MAMLD1: variants seen among roughly 807,000 people sequenced by gnomAD.
MAMLD1 encodes the protein mastermind like domain containing 1.
In MAMLD1, 14 loss-of-function variants were observed where a neutral mutation model predicts 45.0. That is an observed-to-expected ratio of 0.31 (90% confidence interval 0.21 to 0.49). The LOEUF is 0.49. MAMLD1 is among the 20% of genes least tolerant of loss of function. MAMLD1 has a pLI of 0.99. For synonymous variants in MAMLD1, 254 were observed against 247.8 expected, an observed-to-expected ratio of 1.02 and a Z score of -0.24; for missense variants, 543 against 603.6, an observed-to-expected ratio of 0.90 and a Z score of 1.05.
intron 5 of MAMLD1, among the ~76,000 whole-genome samples, chrX:150,479,247 C>G (rs986149468): frequency 9.0e-6 from 1 of 111,670 alleles, no homozygotes. Context: ...ACGACACTTT[C>G]AAATGAAGGT....
chrX:150,461,598 C>T (rs2036041095), intron 2 of MAMLD1, among the ~76,000 whole-genome samples: 1 of 112,111 alleles, frequency 8.9e-6, no homozygotes, highest in South Asian at 3.7e-4. Flanking sequence ...TTCCCAGCAT[C>T]AGATGGTTGG....
Position 150,512,784 on chromosome X carries a change from C to T in MAMLD1, c.*825C>T. ...ACCGCTGCTGCTGCTTCTGCCGTTGCTGCCAGCCAGTTCCCAGGTCCGTTC... is the reference window on the plus strand; with the variant it reads ...ACCGCTGCTGCTGCTTCTGCCGTTGTTGCCAGCCAGTTCCCAGGTCCGTTC... On this transcript the variant is annotated 3_prime_UTR_variant, in exon 8 of 8. Transcript: ENST00000370401. 1 of 1,156,007 alleles carries T rather than the reference C, an allele frequency of 8.7e-7. No individual in the cohort carries two copies. Among genetic ancestry groups the T allele is most frequent in the South Asian group, 1.9e-5 (1 of 52,759 alleles).
chrX:150,377,180 G>A (rs782807084), intron 1 of MAMLD1, among the ~76,000 whole-genome samples: 3 of 113,310 alleles, frequency 2.6e-5, no homozygotes, highest in Non-Finnish European at 5.6e-5. Flanking sequence ...ACTGTATGGA[G>A]GTGCAGAGTC....
In MAMLD1 at chrX:150,463,626, C is replaced by A. The variant is rs1310496684; in HGVS notation, c.171+780C>A. Among the ~76,000 whole-genome samples the A allele has an allele frequency of 3.6e-5, 4 of 112,205 alleles. No homozygotes were observed. In the East Asian group the frequency reaches 1.1e-3, roughly 31 times the overall value. On this transcript the variant is annotated intron_variant, in intron 3 of 7. Coordinates refer to ENST00000370401, the MANE Select transcript of MAMLD1 (RefSeq NM_005491.5). ...GAGAAAGTAGTTCTAGAACACTGCC[C>A]ACCCAGGTTTGCTCATCTCTGCCTT...
chrX:150,427,567 T>A (rs1247759641), intron 1 of MAMLD1, among the ~76,000 whole-genome samples: 7 of 42,178 alleles, frequency 1.7e-4, no homozygotes, highest in Non-Finnish European at 6.8e-5. Context: ...GAACCACACC[T>A]GTCTCCTCAT....
intron 1 of MAMLD1, among the ~76,000 whole-genome samples, chrX:150,367,735 G>A (rs1054774192): frequency 1.0e-4 from 11 of 106,280 alleles, no homozygotes; most frequent in African/African-American, 3.5e-4. Flanking sequence ...ACAGGCCCCG[G>A]TGTGTGATGT....
chrX:150,400,035 A>T (rs1314870853), intron 1 of MAMLD1, among the ~76,000 whole-genome samples: 2 of 111,683 alleles, frequency 1.8e-5, no homozygotes, highest in African/African-American at 6.5e-5. Context: ...AAGTTGTCAC[A>T]TGCTGTTGTC....
chrX:150,503,361 G>A lies in MAMLD1; in HGVS notation c.2128G>A (p.Gly710Arg), dbSNP rs111719164. Residue 710 changes from glycine to arginine, a missense_variant, in exon 6 of 8, where the codon GGG becomes AGG. Coordinates refer to ENST00000370401, the MANE Select transcript of MAMLD1 (RefSeq NM_005491.5). ...ACAGCCCCCGTCCTGCCAGGCCCTG[G>A]GGAGTGAGTCCTTCCTGCCCGGCAG... The part of the protein sequence containing the change: ...GRQPPSCQAL[G>R]SESFLPGSSF... The A allele has an allele frequency of 8.3e-7, 1 of 1,211,878 alleles. No homozygotes were observed. The highest frequency in any genetic ancestry group is 1.7e-5 in the African/African-American group (1 of 58,012).
chrX:150,440,801 TG>T (rs1419683761), intron 1 of MAMLD1, among the ~76,000 whole-genome samples: 12 of 105,963 alleles, frequency 1.1e-4, no homozygotes, highest in African/African-American at 3.4e-4. Context: ...AGATTTGTAT[TG>T]GGTTTCTCTA....
At chrX:150,389,894 C>G (rs1190360731) in intron 1 of MAMLD1, among the ~76,000 whole-genome samples, 1 of 112,012 alleles carries the variant, frequency 8.9e-6, no homozygotes, top group Non-Finnish European at 1.9e-5. Context: ...CTGCCTGTCT[C>G]CAATAATTTT....
chrX:150,420,393 C>T (rs1283299826), intron 1 of MAMLD1, among the ~76,000 whole-genome samples: 1 of 105,876 alleles, frequency 9.4e-6, no homozygotes, highest in African/African-American at 3.5e-5. Flanking sequence ...AATGTCCTCC[C>T]ATAGCTCAGA....
chrX:150,398,254 GA>G (rs1569564543), intron 1 of MAMLD1, among the ~76,000 whole-genome samples: 41 of 21,826 alleles, frequency 1.9e-3, no homozygotes, highest in Non-Finnish European at 2.9e-3. Context: ...AGGAGAAGGA[GA>G]AGAAGAAGAA....
chrX:150,477,126 A>G (rs1158491982), intron 5 of MAMLD1, among the ~76,000 whole-genome samples: 1 of 113,281 alleles, frequency 8.8e-6, no homozygotes, highest in African/African-American at 3.2e-5. Flanking sequence ...GAAAGCTCAG[A>G]CTTTGGATCA....
At chrX:150,415,269 G>T (rs1390818368) in intron 1 of MAMLD1, among the ~76,000 whole-genome samples, 1 of 112,861 alleles carries the variant, frequency 8.9e-6, no homozygotes, top group Non-Finnish European at 1.9e-5. Flanking sequence ...GAGAAACTCA[G>T]CAGAAATACT....
chrX:150,449,252 T>C (rs1331496891), intron 2 of MAMLD1, among the ~76,000 whole-genome samples: 1 of 111,371 alleles, frequency 9.0e-6, no homozygotes, highest in Non-Finnish European at 1.9e-5. Context: ...GGTCCACATT[T>C]GGATGGCCCC....
intron 1 of MAMLD1, among the ~76,000 whole-genome samples, chrX:150,442,385 G>T (rs1179013932): frequency 9.0e-6 from 1 of 110,690 alleles, no homozygotes; most frequent in Non-Finnish European, 1.9e-5. Context: ...GACTTCCTGT[G>T]GGTTACTCAA....
chrX:150,434,883 A>C (rs927053254), intron 1 of MAMLD1, among the ~76,000 whole-genome samples: 11 of 111,334 alleles, frequency 9.9e-5, no homozygotes, highest in African/African-American at 3.6e-4. Context: ...AATGTATATT[A>C]TGTTGTTTTG....
At chrX:150,448,864 T>G (rs1389804543) in intron 2 of MAMLD1, among the ~76,000 whole-genome samples, 1 of 111,810 alleles carries the variant, frequency 8.9e-6, no homozygotes, top group Non-Finnish European at 1.9e-5. Context: ...ACATGCCATC[T>G]CTGTCTCAGT....
chrX:150,506,998 G>C (rs782576879), intron 6 of MAMLD1, among the ~76,000 whole-genome samples: 2 of 112,435 alleles, frequency 1.8e-5, no homozygotes, highest in Non-Finnish European at 3.8e-5. Flanking sequence ...GGGCTGGGAG[G>C]GGTGTGACAG....
Sources: gnomAD v4.1 joint callset for allele counts (sites outside exome capture counted in the v4.1 genomes callset) on GRCh38, gnomAD v4.1.1 for gene constraint, MANE v1.5 for transcripts, NCBI Gene and HGNC (gene_info 2026-07-23, HGNC 2026-07-21) for gene names.